The following FAM149B1 variants were observed in gnomAD, a reference collection of about 807,000 sequenced individuals.
FAM149B1 encodes family with sequence similarity 149 member B1, also known as primary cilium assembly protein FAM149B1.
FAM149B1 carries 56 observed loss-of-function variants against 75.3 expected under a neutral mutation model. The ratio of observed to expected loss-of-function variants is 0.74; its 90% CI spans 0.60 to 0.93. FAM149B1 has a LOEUF of 0.93. Among genes scored for constraint, FAM149B1 ranks in the 40% least tolerant of loss-of-function variants. The pLI is 0.00. For synonymous variants in FAM149B1, 259 were observed against 256.1 expected, an observed-to-expected ratio of 1.01 and a Z score of -0.11; for missense variants, 639 against 708.4, an observed-to-expected ratio of 0.90 and a Z score of 1.11.
intron 9 of FAM149B1, 89 bp downstream of exon 9, chr10:73,230,614 G>A: frequency 1.4e-6 from 1 of 717,792 alleles, no homozygotes. Flanking sequence ...TGTATTGAGT[G>A]CCAACCAAGC....
In FAM149B1 at chr10:73,168,354, C is replaced by T. The variant is rs776857085; in HGVS notation, c.15C>T (p.Tyr5=). 3.2e-6 allele frequency: 5 copies of T among 1,549,932 alleles called. No homozygotes were observed. In the South Asian group the frequency reaches 4.8e-5, roughly 15 times the overall value. The change falls in exon 1 of 14, where the codon TAC becomes TAT. Residue 5 remains tyrosine (Y), a synonymous_variant. Transcript: ENST00000242505. The stretch of plus-strand genomic sequence containing the variant: ...GGAGGAGGAGGATGATCTCCAGATA[C>T]ACTCGGAAGGCGGTGCCACAGAGCT... MISR[Y]TRKAVPQSLE...
chr10:73,231,151 CGTT>C (rs2043688139), intron 9 of FAM149B1: 2 of 152,282 alleles, frequency 1.3e-5, no homozygotes, highest in Non-Finnish European at 1.5e-5. Flanking sequence ...GATTCATCCA[CGTT>C]GTTGTGTATG....
intron 2 of FAM149B1, among the ~76,000 whole-genome samples, chr10:73,176,844 T>G (rs1589135034): frequency 6.6e-6 from 1 of 152,070 alleles, no homozygotes; most frequent in East Asian, 1.9e-4. Flanking sequence ...CTGGCCAACA[T>G]GGCAAAACCC....
At position 73,177,919 on chromosome 10, in the gene FAM149B1, T is replaced by C. The variant is rs201708327; in HGVS notation, c.226T>C (p.Tyr76His). 144 of 1,551,718 alleles carry C rather than the reference T, an allele frequency of 9.3e-5. 2 individuals are homozygous for C. In the Middle Eastern group the frequency reaches 5.8e-3, roughly 63 times the overall value. Residue 76 changes from tyrosine (Y) to histidine (H), a missense_variant, in exon 3 of 14, where the codon TAT becomes CAT. Physicochemically the swap from Tyr to His is moderately conservative, Grantham distance 83. Coordinates refer to ENST00000242505, the MANE Select transcript of FAM149B1 (RefSeq NM_173348.2). ...GAATTCACTGTCTGCTTTTCCAAGT[T>C]ATACAGGCGCAGGGATATCTACTGA... ...TGNSLSAFPS[Y>H]TGAGISTEGS...
chr10:73,168,682 T>C (rs914452468), intron 1 of FAM149B1, among the ~76,000 whole-genome samples: 1 of 152,244 alleles, frequency 6.6e-6, no homozygotes, highest in Admixed American at 6.5e-5. Flanking sequence ...AAGTTATTAA[T>C]AGCTAACTGA....
chr10:73,190,884 A>G (rs2042666961), intron 3 of FAM149B1, among the ~76,000 whole-genome samples: 1 of 151,712 alleles, frequency 6.6e-6, no homozygotes, highest in South Asian at 2.1e-4. Context: ...ATGCCTGGCT[A>G]ATTTTTTATT....
Position 73,233,125 on chromosome 10 carries a change from AC to A in FAM149B1, c.1316del (p.Pro439GlnfsTer28). The A allele has an allele frequency of 6.4e-7, 1 of 1,551,816 alleles. No homozygotes were observed. The highest frequency in any genetic ancestry group is 8.7e-7 in the Non-Finnish European group (1 of 1,147,010). ...ISTSHSCAET[P>X]RSVEEILRGA... ...GCACGAGCCATTCATGTGCTGAAAC[AC>A]CAAGATCTGTGGAAGAAATCCTCAG... On this transcript the variant is annotated frameshift_variant, in exon 10 of 14. Transcript: ENST00000242505. LOFTEE classifies it high-confidence loss of function.
chr10:73,235,420 C>G, intron 12 of FAM149B1, 102 bp downstream of exon 12: 3 of 1,485,866 alleles, frequency 2.0e-6, no homozygotes, highest in Non-Finnish European at 1.8e-6. Context: ...GAGGCTTAAC[C>G]CAGAATAAAA....
chr10:73,179,477 A>T (rs2042345720), intron 3 of FAM149B1, among the ~76,000 whole-genome samples: 1 of 151,544 alleles, frequency 6.6e-6, no homozygotes, highest in South Asian at 2.1e-4. Context: ...GTGCTGTGGC[A>T]ATCATAGCTC....
chr10:73,215,990 T>A (rs1430801059), intron 7 of FAM149B1, among the ~76,000 whole-genome samples: 1 of 152,246 alleles, frequency 6.6e-6, no homozygotes, highest in African/African-American at 2.4e-5. Context: ...TCTAGTGCTG[T>A]GAATGGGGTG....
At position 73,234,862 on chromosome 10, in the gene FAM149B1, G is replaced by C. The variant is rs61742710; in HGVS notation, c.1398G>C (p.Leu466=). 1 of 1,551,616 alleles carries C rather than the reference G, an allele frequency of 6.4e-7. No individual in the cohort carries two copies. Among genetic ancestry groups the C allele is most frequent in the African/African-American group, 1.4e-5 (1 of 73,044 alleles). ...DSLSSPSPTP[L]SRNNLLPPIG... is the part of the protein sequence containing the mutation. The stretch of plus-strand genomic sequence containing the variant: ...TCTCCTCTCCCTCACCGACGCCCCT[G>C]AGTCGAAATAATCTGCTACCACCTA... The change falls in exon 11 of 14, where the codon CTG becomes CTC. Residue 466 remains leucine, a synonymous_variant. Transcript: ENST00000242505.
chr10:73,241,825 T>C lies in FAM149B1; in HGVS notation c.*806T>C, dbSNP rs1462765782. On this transcript the variant is annotated 3_prime_UTR_variant, in exon 14 of 14. Coordinates refer to ENST00000242505, the MANE Select transcript of FAM149B1 (RefSeq NM_173348.2). Reference sequence around the variant, plus strand: ...CTACTATTGAGCCACCAAAGTATAATTCCCTAAAAGTTTAAGAAACCCTGG... The same window carrying C: ...CTACTATTGAGCCACCAAAGTATAACTCCCTAAAAGTTTAAGAAACCCTGG... 1 of 152,228 alleles carries C rather than the reference T, an allele frequency of 6.6e-6. No homozygotes were observed. The highest frequency in any genetic ancestry group is 2.4e-5 in the African/African-American group (1 of 41,460). The allele number at this position is 152,228 out of a possible 1,614,324, so 9.4% of individuals were successfully genotyped here.
At chr10:73,224,914 TG>T (rs1367567685) in intron 7 of FAM149B1, among the ~76,000 whole-genome samples, 3 of 152,218 alleles carry the variant, frequency 2.0e-5, no homozygotes, top group Non-Finnish European at 4.4e-5. Flanking sequence ...TACAGTCCTG[TG>T]TGGCATAATG....
At chr10:73,198,736 C>T (rs1056001634) in intron 5 of FAM149B1, among the ~76,000 whole-genome samples, 6 of 152,188 alleles carry the variant, frequency 3.9e-5, no homozygotes, top group African/African-American at 4.8e-5. Context: ...ACCCAGGAGG[C>T]GGAGGTTGCA....
chr10:73,230,559 T>A, intron 9 of FAM149B1, 34 bp downstream of exon 9: 1 of 1,216,952 alleles, frequency 8.2e-7, no homozygotes, highest in Non-Finnish European at 1.2e-6. Flanking sequence ...CTATACAGTG[T>A]AAAAGGGAAA....
chr10:73,225,754 A>G (rs1365352565), intron 7 of FAM149B1, among the ~76,000 whole-genome samples: 1 of 152,204 alleles, frequency 6.6e-6, no homozygotes, highest in Non-Finnish European at 1.5e-5. Context: ...AGCTCCATTC[A>G]TGATAAGTAC....
rs2043972396 is a variant in FAM149B1 at position 73,243,122 on chromosome 10, G to A, written c.*2103G>A. 1 of 389,682 alleles carries A rather than the reference G, an allele frequency of 2.6e-6. No homozygotes were observed. The highest frequency in any genetic ancestry group is 2.7e-5 in the South Asian group (1 of 37,578). The allele number at this position is 389,682 out of a possible 1,614,324, so 24.1% of individuals were successfully genotyped here. On this transcript the variant is annotated 3_prime_UTR_variant, in exon 14 of 14. Coordinates refer to ENST00000242505, the MANE Select transcript of FAM149B1 (RefSeq NM_173348.2). The stretch of plus-strand genomic sequence containing the variant: ...AGAGTTCTGTGTACAGAAGATCCAT[G>A]GAGGCAAGTGCTGTCAGGAAGGACA...
At chr10:73,213,220 C>G (rs185938210) in intron 7 of FAM149B1, among the ~76,000 whole-genome samples, 1 of 152,262 alleles carries the variant, frequency 6.6e-6, no homozygotes, top group Non-Finnish European at 1.5e-5. Context: ...CTTGTAGATT[C>G]TGGATATTAG....
At chr10:73,227,079 A>G (rs1194949486) in intron 7 of FAM149B1, among the ~76,000 whole-genome samples, 2 of 152,208 alleles carry the variant, frequency 1.3e-5, no homozygotes, top group South Asian at 4.1e-4. Flanking sequence ...AATGAAGAAA[A>G]ATATTTATTT....
Sources: gnomAD v4.1 joint callset for allele counts (sites outside exome capture counted in the v4.1 genomes callset) on GRCh38, gnomAD v4.1.1 for gene constraint, MANE v1.5 for transcripts, NCBI Gene and HGNC (gene_info 2026-07-23, HGNC 2026-07-21) for gene names.